Variants in DZIP1 observed in about 807,000 individuals in gnomAD.
The protein encoded by DZIP1 is cilium assembly protein DZIP1.
Under a neutral mutation model 107.6 loss-of-function variants are expected in DZIP1, and 97 were observed. The ratio of observed to expected loss-of-function variants is 0.90; its 90% CI spans 0.77 to 1.07. The LOEUF is 1.07. DZIP1 is among the 50% of genes least tolerant of loss of function. The probability of loss-of-function intolerance (pLI) is 0.00; values close to 1 mark genes in which losing one functional copy is unlikely to be tolerated. For synonymous variants in DZIP1, 390 were observed against 386.4 expected, an observed-to-expected ratio of 1.01 and a Z score of -0.11; for missense variants, 1,035 against 1,063.6, an observed-to-expected ratio of 0.97 and a Z score of 0.37.
chr13:95,640,664 A>C (rs1207580443), intron 5 of DZIP1, among the ~76,000 whole-genome samples: 1 of 152,264 alleles, frequency 6.6e-6, no homozygotes, highest in African/African-American at 2.4e-5. Flanking sequence ...TTAAGACCAG[A>C]AGATAAAAAT....
At position 95,641,946 on chromosome 13, in the gene DZIP1, C is replaced by T; in HGVS notation, c.36+48G>A. On this transcript the variant is annotated intron_variant, in intron 4 of 22. Coordinates refer to ENST00000376829, the MANE Select transcript of DZIP1 (RefSeq NM_198968.4). The surrounding 1 kb of genome is among the most constrained non-coding windows in gnomAD (Gnocchi z 4.3). ...GGGGTCCGGGGAAGCCCCGGTTCTC[C>T]CCAGCCCGGCATCCCCGTCGGGGGC... 6.5e-7 allele frequency: 1 copy of T among 1,547,438 alleles called. No individual in the cohort carries two copies. Among genetic ancestry groups the T allele is most frequent in the Non-Finnish European group, 8.7e-7 (1 of 1,153,710 alleles).
rs776218328 is a variant in DZIP1, at chr13:95,586,096, C to G, written c.2259G>C (p.Met753Ile). 3 of 1,612,056 alleles carry G rather than the reference C, an allele frequency of 1.9e-6. No homozygotes were observed. In the Admixed American group the frequency reaches 5.0e-5, roughly 27 times the overall value. Residue 753 changes from methionine to isoleucine, a missense_variant, in exon 21 of 23, where the codon ATG becomes ATC. Transcript: ENST00000376829. ...TGTTCACATTTTTGCGATGTGGAAACATCTTTTCAACTTTTTCAGTAGGTG... is the reference window on the plus strand; with the variant it reads ...TGTTCACATTTTTGCGATGTGGAAAGATCTTTTCAACTTTTTCAGTAGGTG... ...VKTPTEKVEKMFPHRKNVNKP... is the reference protein window; with the variant it reads ...VKTPTEKVEKIFPHRKNVNKP...
At chr13:95,590,108 G>T (rs574448894) in intron 17 of DZIP1, among the ~76,000 whole-genome samples, 171 bp downstream of exon 17, 1 of 152,276 alleles carries the variant, frequency 6.6e-6, no homozygotes, top group Non-Finnish European at 1.5e-5. Context: ...CAAAATCCAA[G>T]ACCCAGCATT....
rs2044010416 is a variant in DZIP1, at chr13:95,581,427, T to A, written c.*807A>T. 6.6e-6 allele frequency: 1 copy of A among 152,560 alleles called. No individual in the cohort carries two copies. Among genetic ancestry groups the A allele is most frequent in the Non-Finnish European group, 1.5e-5 (1 of 68,048 alleles). The allele number at this position is 152,560 out of a possible 1,614,324, so 9.5% of individuals were successfully genotyped here. A position where few individuals can be genotyped will look rare whatever the true frequency, so the allele number is the denominator to read the frequency against. On this transcript the variant is annotated 3_prime_UTR_variant, in exon 23 of 23. Transcript: ENST00000376829. ...TAAATTAATTGGCACTTAAAATAAC[T>A]ATACTTTATTCATAAAATATCCAAG... is the stretch of plus-strand genomic sequence containing the variant.
chr13:95,616,737 C>T (rs1303594484), intron 10 of DZIP1, among the ~76,000 whole-genome samples: 2 of 152,022 alleles, frequency 1.3e-5, no homozygotes, highest in Non-Finnish European at 2.9e-5. Context: ...GTGTACACCC[C>T]CTGTGTGATG....
rs777211589 is a variant in DZIP1 at position 95,582,190 on chromosome 13, C to T, written c.*44G>A. 7 of 1,587,776 alleles carry T rather than the reference C, an allele frequency of 4.4e-6. No individual in the cohort carries two copies. Among genetic ancestry groups the T allele is most frequent in the Non-Finnish European group, 6.1e-6 (7 of 1,156,384 alleles). ...GGCAAATTACTGAAACACTGTGATA[C>T]TGAAATACTGCTGGCTTCTGGAATA... On this transcript the variant is annotated 3_prime_UTR_variant, in exon 23 of 23. Transcript: ENST00000376829.
chr13:95,597,707 C>G (rs568710436), intron 15 of DZIP1, among the ~76,000 whole-genome samples: 3 of 152,204 alleles, frequency 2.0e-5, no homozygotes, highest in African/African-American at 7.2e-5. Context: ...GTAGACCATG[C>G]GCCCAGGGTT....
chr13:95,644,339 T>A (rs1358968229), intron 1 of DZIP1, 38 bp downstream of exon 1: 1 of 152,330 alleles, frequency 6.6e-6, no homozygotes, highest in Non-Finnish European at 1.5e-5. Context: ...GTCAGCCACC[T>A]CCTGTGGGCG....
In DZIP1 at chr13:95,630,042, T is replaced by C; in HGVS notation, c.757A>G (p.Thr253Ala). 2 of 1,613,946 alleles carry C rather than the reference T, an allele frequency of 1.2e-6. No individual in the cohort carries two copies. Among genetic ancestry groups the C allele is most frequent in the African/African-American group, 1.3e-5 (1 of 75,044 alleles). The part of the protein sequence containing the change: ...IVVLKEELQL[T>A]RSELEAAHHA... ...TGTGCAGCCTCTAGCTCAGACCTGG[T>C]GAGCTGCAGCTCTTCCTTCAATACG... Residue 253 changes from threonine (T) to alanine (A), a missense_variant, in exon 7 of 23, where the codon ACC becomes GCC. By Grantham distance (58) the Thr-to-Ala change is moderately conservative. Coordinates refer to ENST00000376829, the MANE Select transcript of DZIP1 (RefSeq NM_198968.4).
chr13:95,591,282 C>T (rs777803188), intron 16 of DZIP1, among the ~76,000 whole-genome samples: 21 of 152,112 alleles, frequency 1.4e-4, no homozygotes, highest in African/African-American at 4.8e-4. Context: ...CTGCCTTGGC[C>T]TCCCAAAGTG....
chr13:95,578,765 T>A lies in DZIP1; in HGVS notation c.*3469A>T, dbSNP rs1379142318. 1 of 152,230 alleles carries A rather than the reference T, an allele frequency of 6.6e-6. No individual in the cohort carries two copies. Among genetic ancestry groups the A allele is most frequent in the African/African-American group, 2.4e-5 (1 of 41,464 alleles). 9.4% of individuals were successfully genotyped at this position (152,230 alleles called of 1,614,324 possible). A position where few individuals can be genotyped will look rare whatever the true frequency, so the allele number is the denominator to read the frequency against. ...ATTAGTGAATATTTAGTTGTTTTCA[T>A]AAACGATGCTGTGATGAAGACTCAT... On this transcript the variant is annotated 3_prime_UTR_variant, in exon 23 of 23. Coordinates refer to ENST00000376829, the MANE Select transcript of DZIP1 (RefSeq NM_198968.4).
At chr13:95,585,973 T>G in intron 21 of DZIP1, 33 bp downstream of exon 21, 1 of 1,564,434 alleles carries the variant, frequency 6.4e-7, no homozygotes, top group Non-Finnish European at 8.6e-7. Flanking sequence ...AAAGACAAAT[T>G]TATGTATATC....
At chr13:95,628,050 T>A (rs552569499) in intron 7 of DZIP1, among the ~76,000 whole-genome samples, 4 of 127,414 alleles carry the variant, frequency 3.1e-5, no homozygotes, top group African/African-American at 1.0e-4. Flanking sequence ...ACACATTACT[T>A]TTTTTTTTTC....
chr13:95,622,337 AC>A lies in DZIP1; in HGVS notation c.1110+5del. ...TCCACTGCAGCTGTCACCCACTTGCACGTACCTGACTATCAAGAAGCTGCAT... is the reference window on the plus strand; with the variant it reads ...TCCACTGCAGCTGTCACCCACTTGCAGTACCTGACTATCAAGAAGCTGCAT... On this transcript the variant is annotated splice_donor_5th_base_variant and intron_variant, in intron 9 of 22. Transcript: ENST00000376829. The A allele has an allele frequency of 6.2e-7, 1 of 1,614,188 alleles. No homozygotes were observed. Among genetic ancestry groups the A allele is most frequent in the Non-Finnish European group, 8.5e-7 (1 of 1,180,028 alleles).
At chr13:95,599,601 C>G (rs2138950947) in intron 14 of DZIP1, among the ~76,000 whole-genome samples, 177 bp from the exon 15 acceptor site, 1 of 152,308 alleles carries the variant, frequency 6.6e-6, no homozygotes, top group South Asian at 2.1e-4. Context: ...ACCTTTTCAT[C>G]ATATCTTCGA....
At chr13:95,585,206 A>T (rs2044129521) in intron 21 of DZIP1, among the ~76,000 whole-genome samples, 1 of 152,216 alleles carries the variant, frequency 6.6e-6, no homozygotes, top group Admixed American at 6.5e-5. Flanking sequence ...ATGAAACTCT[A>T]AAAGTCAGGG....
chr13:95,581,724 AACTT>A lies in DZIP1; in HGVS notation c.*506_*509del, dbSNP rs1450773826. 6.6e-6 allele frequency: 1 copy of A among 152,416 alleles called. No homozygotes were observed. The highest frequency in any genetic ancestry group is 1.5e-5 in the Non-Finnish European group (1 of 68,196). 9.4% of individuals were successfully genotyped at this position (152,416 alleles called of 1,614,324 possible). On this transcript the variant is annotated 3_prime_UTR_variant, in exon 23 of 23. Coordinates refer to ENST00000376829, the MANE Select transcript of DZIP1 (RefSeq NM_198968.4). The stretch of plus-strand genomic sequence containing the variant: ...GGTGAACACCACCACACTCGGATTA[AACTT>A]ACTTCTATATGAAAAATAACCAGAC...
rs1878606729 is a variant in DZIP1, at chr13:95,642,103, G to A, written c.-74C>T. 6.9e-7 allele frequency: 1 copy of A among 1,439,076 alleles called. No homozygotes were observed. 89.1% of individuals were successfully genotyped at this position (1,439,076 alleles called of 1,614,324 possible). ...CCGCCGCCACAGCCCTCAGGAGCGG[G>A]AGAAGGCCGGGTTCCTCGCTTCCGC... On this transcript the variant is annotated 5_prime_UTR_variant, in exon 4 of 23. Transcript: ENST00000376829.
Position 95,641,451 on chromosome 13 carries a change from C to G in DZIP1, c.441G>C (p.Glu147Asp). Residue 147 changes from glutamate to aspartate, a missense_variant, in exon 5 of 23, where the codon GAG becomes GAC. By Grantham distance (45) the Glu-to-Asp change is conservative (BLOSUM62 2). Coordinates refer to ENST00000376829, the MANE Select transcript of DZIP1 (RefSeq NM_198968.4). The surrounding 1 kb of genome is among the most constrained non-coding windows in gnomAD (Gnocchi z 4.3). The part of the protein sequence containing the change: ...FLTSQLHTLE[E>D]RLRLSHCDGE... The stretch of plus-strand genomic sequence containing the variant: ...CGTCGCAGTGGCTCAGGCGCAGCCG[C>G]TCCTCCAGGGTGTGCAGCTGCGAGG... 6.2e-7 allele frequency: 1 copy of G among 1,614,196 alleles called. No individual in the cohort carries two copies. The highest frequency in any genetic ancestry group is 8.5e-7 in the Non-Finnish European group (1 of 1,180,034).
Sources: allele counts gnomAD v4.1 joint callset (sites outside exome capture counted in the v4.1 genomes callset), GRCh38; gene constraint gnomAD v4.1.1; non-coding constraint Gnocchi (gnomAD v3.1); transcripts MANE v1.5; gene names NCBI Gene and HGNC (gene_info 2026-07-23, HGNC 2026-07-21).